The following ARIH2 variants were observed in gnomAD, a reference collection of about 807,000 sequenced individuals.
ARIH2 encodes the protein ariadne RBR E3 ubiquitin protein ligase 2, also known as E3 ubiquitin-protein ligase ARIH2.
In ARIH2, 12 loss-of-function variants were observed where a neutral mutation model predicts 79.8. The observed-to-expected ratio is 0.15, with a 90% confidence interval of 0.10 to 0.24. The LOEUF (loss-of-function observed/expected upper bound fraction) is 0.24. Among genes scored for constraint, ARIH2 ranks in the 10% least tolerant of loss-of-function variants. ARIH2 has a pLI of 1.00. For synonymous variants in ARIH2, 224 were observed against 213.9 expected, an observed-to-expected ratio of 1.05 and a Z score of -0.41; for missense variants, 301 against 618.3, an observed-to-expected ratio of 0.49 and a Z score of 5.44.
chr3:48,970,792 C>A, intron 8 of ARIH2, 88 bp downstream of exon 8: 1 of 1,011,300 alleles, frequency 9.9e-7, no homozygotes, highest in Non-Finnish European at 1.5e-6. Flanking sequence ...GAGGGCGGCA[C>A]TGGAAGAGGC....
chr3:48,925,422 T>C (rs2085440914), intron 2 of ARIH2, among the ~76,000 whole-genome samples: 1 of 151,178 alleles, frequency 6.6e-6, no homozygotes, highest in South Asian at 2.1e-4. Flanking sequence ...TGATTTCTTT[T>C]TTTTTTTTTT....
chr3:48,976,111 C>T (rs1157647358), intron 11 of ARIH2, among the ~76,000 whole-genome samples: 2 of 150,202 alleles, frequency 1.3e-5, no homozygotes, highest in Non-Finnish European at 3.0e-5. Flanking sequence ...GGGGTCTAAC[C>T]ATGTTAGCCA....
chr3:48,949,966 G>A (rs2089743666), intron 3 of ARIH2, among the ~76,000 whole-genome samples: 1 of 151,652 alleles, frequency 6.6e-6, no homozygotes. Context: ...TTCTTTTAAG[G>A]ATTGTGCTTT....
At chr3:48,981,877 C>G (rs1166027049) in intron 14 of ARIH2, 149 bp downstream of exon 14, 2 of 607,320 alleles carry the variant, frequency 3.3e-6, no homozygotes, top group Admixed American at 2.9e-5. Flanking sequence ...CACTTCTGCT[C>G]TGGGCACCTC....
At chr3:48,981,638 C>G in intron 13 of ARIH2, 22 bp from the exon 14 acceptor site, 1 of 1,603,336 alleles carries the variant, frequency 6.2e-7, no homozygotes, top group Non-Finnish European at 8.5e-7. Flanking sequence ...ACACAGGTTC[C>G]TTCTCTTCTC....
intron 8 of ARIH2, among the ~76,000 whole-genome samples, chr3:48,972,743 T>G (rs1012436673): frequency 2.6e-5 from 4 of 152,190 alleles, no homozygotes; most frequent in South Asian, 4.2e-4. Flanking sequence ...AAACAGGGTC[T>G]CTCTCAGTTG....
chr3:48,934,398 A>G, intron 3 of ARIH2: 1 of 973,762 alleles, frequency 1.0e-6, no homozygotes, highest in Non-Finnish European at 1.2e-6. Context: ...TTATTTACTT[A>G]CAGTCATTAA....
At chr3:48,927,943 A>G (rs920865300) in intron 3 of ARIH2, 130 bp downstream of exon 3, 2 of 1,120,902 alleles carry the variant, frequency 1.8e-6, no homozygotes, top group African/African-American at 3.1e-5. Context: ...GTGTATGTCA[A>G]CATCATTTGG....
intron 3 of ARIH2, among the ~76,000 whole-genome samples, chr3:48,951,320 T>TC (rs1338906271): frequency 9.9e-5 from 15 of 152,138 alleles, no homozygotes; most frequent in African/African-American, 3.6e-4. Context: ...AGTGTTTTTT[T>TC]TCCCCCTGTG....
intron 1 of ARIH2, 46 bp downstream of exon 1, chr3:48,919,044 G>T: frequency 7.5e-7 from 1 of 1,340,256 alleles, no homozygotes; most frequent in Non-Finnish European, 9.5e-7. Context: ...TTGGCTGGCC[G>T]CTGGGGGGGC....
chr3:48,928,730 A>T (rs1333197119), intron 3 of ARIH2, among the ~76,000 whole-genome samples: 1 of 143,692 alleles, frequency 7.0e-6, no homozygotes, highest in East Asian at 2.0e-4. Context: ...TAGTTTAGGG[A>T]TTTTTTTTTT....
intron 3 of ARIH2, among the ~76,000 whole-genome samples, chr3:48,947,980 T>C (rs1270195650): frequency 6.6e-6 from 1 of 152,180 alleles, no homozygotes; most frequent in Non-Finnish European, 1.5e-5. Context: ...TTTATTTTTT[T>C]GAGACAGTCT....
intron 8 of ARIH2, among the ~76,000 whole-genome samples, chr3:48,971,702 G>A (rs1173343971): frequency 6.6e-6 from 1 of 152,154 alleles, no homozygotes; most frequent in Non-Finnish European, 1.5e-5. Flanking sequence ...GTGTGTGTAC[G>A]CACATGCCTG....
intron 4 of ARIH2, among the ~76,000 whole-genome samples, chr3:48,962,519 G>A (rs1418608773): frequency 2.0e-5 from 3 of 152,188 alleles, no homozygotes; most frequent in Non-Finnish European, 4.4e-5. Context: ...CTTACAAGTT[G>A]TCAGGAAAAG....
rs1576443875 is a variant in ARIH2 at position 48,964,977 on chromosome 3, A to G, written c.382A>G (p.Lys128Glu). Residue 128 changes from lysine to glutamate, a missense_variant, in exon 5 of 16, where the codon AAA becomes GAA. Lys to Glu is a moderately conservative substitution (Grantham distance 56, BLOSUM62 1). Coordinates refer to ENST00000356401, the MANE Select transcript of ARIH2 (RefSeq NM_006321.4). ...VEARVQPNPS[K>E]HVPTSHPPHH... ...GGCTCGAGTTCAGCCTAATCCATCAAAACATGTGAGTGTCTATTACTTGAA... is the reference window on the plus strand; with the variant it reads ...GGCTCGAGTTCAGCCTAATCCATCAGAACATGTGAGTGTCTATTACTTGAA... The G allele has an allele frequency of 1.4e-5, 23 of 1,613,202 alleles. No individual in the cohort carries two copies. In the East Asian group the frequency reaches 5.1e-4, roughly 36 times the overall value.
intron 14 of ARIH2, chr3:48,982,650 T>C (rs2092792046): frequency 2.1e-6 from 1 of 465,956 alleles, no homozygotes; most frequent in Non-Finnish European, 3.8e-6. Flanking sequence ...TTTGCCTGCC[T>C]TTGGGAGTGT....
intron 3 of ARIH2, chr3:48,945,080 A>G: frequency 7.8e-7 from 1 of 1,274,032 alleles, no homozygotes; most frequent in Non-Finnish European, 1.0e-6. Context: ...GATTTCAGGC[A>G]GTTGGCAAGT....
Position 48,979,564 on chromosome 3 carries a change from C to T in ARIH2, c.1044C>T (p.Asp348=), listed in dbSNP as rs757944709. 5 of 1,614,242 alleles carry T rather than the reference C, an allele frequency of 3.1e-6. No homozygotes were observed. The South Asian group carries it at 3.3e-5, about 11-fold the overall frequency. The change falls in exon 12 of 16, where the codon GAC becomes GAT. Residue 348 remains aspartate (D), a synonymous_variant. Transcript: ENST00000356401. ...GCAGTCGTTACAAGGAGAATCCTGA[C>T]ATCGTGAACCAGAGCCAACAAGCCC... The part of the protein sequence containing the change: ...YECSRYKENP[D]IVNQSQQAQA...
intron 7 of ARIH2, 110 bp from the exon 8 acceptor site, chr3:48,970,472 ATATAGCCCCTTCG>A: frequency 1.5e-6 from 1 of 674,962 alleles, no homozygotes; most frequent in Non-Finnish European, 2.7e-6. Flanking sequence ...TTCTGAATTT[ATATAGCCCCTTCG>A]TATAAGTCAT....
Sources: allele counts gnomAD v4.1 joint callset (sites outside exome capture counted in the v4.1 genomes callset), GRCh38; gene constraint gnomAD v4.1.1; transcripts MANE v1.5; gene names NCBI Gene and HGNC (gene_info 2026-07-23, HGNC 2026-07-21).